Variants in ZNF91 observed in about 807,000 individuals in gnomAD.
The protein encoded by ZNF91 is zinc finger protein 91, also known as zinc finger protein 91 (HPF7, HTF10).
In ZNF91, 7 loss-of-function variants were observed where a neutral mutation model predicts 12.6. That is an observed-to-expected ratio of 0.55 (90% CI 0.31 to 1.04). The LOEUF (loss-of-function observed/expected upper bound fraction) is 1.04, where lower values mean the gene tolerates loss of function less well. Ranked by LOEUF, ZNF91 falls within the 50% of genes least tolerant of loss-of-function variation. ZNF91 has a pLI of 0.05. For synonymous variants in ZNF91, 453 were observed against 462.6 expected (o/e 0.98, Z 0.27); for missense variants, 1,217 against 1,385.4 (o/e 0.88, Z 1.93).
chr19:23,345,959 G>C (rs1968218991), intron 3 of ZNF91, among the ~76,000 whole-genome samples: 1 of 151,824 alleles, frequency 6.6e-6, no homozygotes. Context: ...CAAACCCTCA[G>C]CAGGAACCAC....
intron 3 of ZNF91, among the ~76,000 whole-genome samples, chr19:23,365,453 T>C (rs1203834638): frequency 6.6e-6 from 1 of 152,092 alleles, no homozygotes; most frequent in Non-Finnish European, 1.5e-5. Flanking sequence ...TAAGAAATGC[T>C]GAAATGAGTC....
At chr19:23,367,134 T>C (rs1301556734) in intron 3 of ZNF91, among the ~76,000 whole-genome samples, 1 of 152,136 alleles carries the variant, frequency 6.6e-6, no homozygotes, top group East Asian at 1.9e-4. Context: ...CCCTACAAAA[T>C]AATCAAATAA....
chr19:23,328,276 A>G (rs1967871477), intron 1 of ZNF91: 3 of 152,230 alleles, frequency 2.0e-5, no homozygotes, highest in South Asian at 2.1e-4. Flanking sequence ...GCTATGAAGT[A>G]AAGTTTGGCC....
At chr19:23,363,777 G>C (rs1455175021) in intron 3 of ZNF91, among the ~76,000 whole-genome samples, 1 of 152,054 alleles carries the variant, frequency 6.6e-6, no homozygotes, top group Admixed American at 6.6e-5. Context: ...AATAGGAACA[G>C]AGACAACTAT....
At chr19:23,310,352 T>G (rs545929011) in intron 1 of ZNF91, among the ~76,000 whole-genome samples, 42 of 152,326 alleles carry the variant, frequency 2.8e-4, no homozygotes, top group South Asian at 1.0e-3. Flanking sequence ...GAAAATTGAC[T>G]CTCATGAGTG....
intron 1 of ZNF91, among the ~76,000 whole-genome samples, chr19:23,330,023 A>T (rs1330804116): frequency 2.0e-5 from 3 of 152,296 alleles, no homozygotes; most frequent in Admixed American, 2.0e-4. Flanking sequence ...TTCTAAGACC[A>T]TCTCACATAA....
At chr19:23,313,249 C>T (rs948016920), upstream of ZNF91, among the ~76,000 whole-genome samples, 6 of 152,242 alleles carry the variant, frequency 3.9e-5, no homozygotes, top group African/African-American at 1.2e-4. Flanking sequence ...CTGGGACCAG[C>T]CCACATACAG....
intron 1 of ZNF91, among the ~76,000 whole-genome samples, chr19:23,330,545 C>G (rs371069422): frequency 3.9e-5 from 6 of 152,102 alleles, no homozygotes; most frequent in African/African-American, 1.4e-4. Flanking sequence ...CCTGGTAGCA[C>G]TGATTTTCCC....
chr19:23,350,906 G>A (rs867253369), intron 3 of ZNF91, among the ~76,000 whole-genome samples: 24 of 152,068 alleles, frequency 1.6e-4, no homozygotes, highest in Admixed American at 5.2e-4. Context: ...CGCCTGCACC[G>A]AGATGCTCAT....
chr19:23,337,336 ATGTG>A (rs978527913), downstream of ZNF91, among the ~76,000 whole-genome samples: 1 of 116,902 alleles, frequency 8.6e-6, no homozygotes, highest in Non-Finnish European at 1.9e-5. Flanking sequence ...ATGTATATAT[ATGTG>A]TGTGTGTATG....
At chr19:23,364,626 G>A (rs1968930785) in intron 3 of ZNF91, among the ~76,000 whole-genome samples, 1 of 151,146 alleles carries the variant, frequency 6.6e-6, no homozygotes, top group African/African-American at 2.4e-5. Flanking sequence ...TAAAAGTACA[G>A]AGTTATGATA....
chr19:23,365,908 C>G (rs148171987), intron 3 of ZNF91, among the ~76,000 whole-genome samples: 1,784 of 152,234 alleles, frequency 0.012, 32 homozygotes, highest in African/African-American at 0.041. Flanking sequence ...CAACAGCATC[C>G]CAAGGCAGAA....
intron 3 of ZNF91, among the ~76,000 whole-genome samples, chr19:23,342,018 G>A (rs1968135647): frequency 6.6e-6 from 1 of 152,196 alleles, no homozygotes; most frequent in African/African-American, 2.4e-5. Context: ...TGGGACAAAA[G>A]ATGCTCCTAT....
chr19:23,364,014 A>G (rs966274169), intron 3 of ZNF91, among the ~76,000 whole-genome samples: 3 of 152,208 alleles, frequency 2.0e-5, no homozygotes, highest in African/African-American at 7.2e-5. Context: ...GAAGCTGCAA[A>G]ATAAAAGTGA....
At position 23,347,989 on chromosome 19, in the gene ZNF91, T is replaced by C. The variant is rs148765279; in HGVS notation, c.254-8935A>G. Reference sequence around the variant, plus strand: ...CTCTCAACATGCATATAATTCCCAATTTTGGACTGCCAACATCCATCCAGT... The same window carrying C: ...CTCTCAACATGCATATAATTCCCAACTTTGGACTGCCAACATCCATCCAGT... On this transcript the variant is annotated intron_variant, in intron 3 of 3. Transcript: ENST00000599743. Among the ~76,000 whole-genome samples the C allele has an allele frequency of 4.7e-3, 709 of 152,322 alleles. 9 individuals carry two copies. The highest frequency in any genetic ancestry group is 0.016 in the African/African-American group (682 of 41,570).
downstream of ZNF91, among the ~76,000 whole-genome samples, chr19:23,352,909 A>G (rs1406338975): frequency 6.6e-6 from 1 of 152,218 alleles, no homozygotes; most frequent in Non-Finnish European, 1.5e-5. Context: ...GAAAAACATC[A>G]CAATCCTAAA....
chr19:23,348,732 T>C (rs959091776), intron 3 of ZNF91, among the ~76,000 whole-genome samples: 6 of 152,204 alleles, frequency 3.9e-5, no homozygotes, highest in African/African-American at 1.2e-4. Context: ...AAGGTCTGAC[T>C]GCCTTATGGT....
Position 23,373,606 on chromosome 19 carries a change from A to T in ZNF91, c.253+136T>A. On this transcript the variant is annotated intron_variant, in intron 3 of 3. Coordinates refer to ENST00000300619, the MANE Select transcript of ZNF91 (RefSeq NM_003430.4). ...TAAGCATTAACAGAAGTGATAGCAT[A>T]ATTTAAAAAAAAAATTCAGGCTTCC... The T allele has an allele frequency of 1.5e-5, 9 of 582,110 alleles. No homozygotes were observed. In the South Asian group the frequency reaches 2.1e-4, roughly 13 times the overall value. 36.1% of individuals were successfully genotyped at this position (582,110 alleles called of 1,614,324 possible).
At chr19:23,349,090 T>A (rs539939781) in intron 3 of ZNF91, among the ~76,000 whole-genome samples, 1 of 152,272 alleles carries the variant, frequency 6.6e-6, no homozygotes, top group South Asian at 2.1e-4. Flanking sequence ...ATCAAGACAA[T>A]GTGTGCCTAG....
Sources: allele counts gnomAD v4.1 joint callset (sites outside exome capture counted in the v4.1 genomes callset), GRCh38; gene constraint gnomAD v4.1.1; transcripts MANE v1.5; gene names NCBI Gene and HGNC (gene_info 2026-07-23, HGNC 2026-07-21).